The following COX7B2 variants were observed in gnomAD, a reference collection of about 807,000 sequenced individuals.
COX7B2 encodes cytochrome c oxidase subunit 7B2, also known as cytochrome c oxidase subunit 7B2, mitochondrial.
For synonymous variants in COX7B2, 37 were observed against 32.1 expected (o/e 1.15, Z -0.51); for missense variants, 109 against 95.9 (o/e 1.14, Z -0.57).
chr4:46,841,770 C>T (rs1249582383), intron 2 of COX7B2, among the ~76,000 whole-genome samples: 2 of 151,904 alleles, frequency 1.3e-5, no homozygotes, highest in African/African-American at 4.8e-5. Flanking sequence ...CTGTGATGAG[C>T]TACTTAGTAG....
At chr4:46,892,422 G>A (rs991657869) in intron 1 of COX7B2, among the ~76,000 whole-genome samples, 2 of 152,128 alleles carry the variant, frequency 1.3e-5, no homozygotes, top group East Asian at 3.9e-4. Flanking sequence ...CATTTTACAT[G>A]AGGTGTGTAC....
At chr4:46,860,833 CCT>C (rs1197727717) in intron 1 of COX7B2, among the ~76,000 whole-genome samples, 2 of 152,082 alleles carry the variant, frequency 1.3e-5, no homozygotes, top group Non-Finnish European at 2.9e-5. Flanking sequence ...TGAGAGGTCC[CCT>C]GTTGTGAGGG....
intron 1 of COX7B2, among the ~76,000 whole-genome samples, chr4:46,881,170 A>G (rs1718714560): frequency 6.6e-6 from 1 of 152,170 alleles, no homozygotes; most frequent in African/African-American, 2.4e-5. Context: ...TGCACCCATG[A>G]CAGAGCCTCA....
At position 46,902,960 on chromosome 4, in the gene COX7B2, T is replaced by C. The variant is rs752347250; in HGVS notation, c.-105+6200A>G. On this transcript the variant is annotated intron_variant, in intron 1 of 2. Transcript: ENST00000355591. Reference sequence around the variant, plus strand: ...CTGAAAACTGATTTCTAATTCTGTGTCTTATCAAAAATTATGATAAGTATA... The same window carrying C: ...CTGAAAACTGATTTCTAATTCTGTGCCTTATCAAAAATTATGATAAGTATA... Among the ~76,000 whole-genome samples the C allele has an allele frequency of 7.2e-5, 11 of 152,282 alleles. No homozygotes were observed. In the South Asian group the frequency reaches 1.9e-3, roughly 26 times the overall value.
At chr4:46,849,240 C>A (rs1716503011) in intron 1 of COX7B2, among the ~76,000 whole-genome samples, 1 of 152,014 alleles carries the variant, frequency 6.6e-6, no homozygotes, top group Non-Finnish European at 1.5e-5. Context: ...TTTGCTCCAT[C>A]ATCAAGGCTA....
chr4:46,863,748 T>A (rs1717479811), intron 1 of COX7B2, among the ~76,000 whole-genome samples: 1 of 152,216 alleles, frequency 6.6e-6, no homozygotes, highest in Admixed American at 6.5e-5. Flanking sequence ...TATTGACTGA[T>A]GCTGAAATAT....
intron 2 of COX7B2, among the ~76,000 whole-genome samples, chr4:46,827,244 A>G (rs1298319462): frequency 6.6e-6 from 1 of 152,106 alleles, no homozygotes; most frequent in East Asian, 1.9e-4. Context: ...AAAAAGCTAT[A>G]AATTTACAGG....
chr4:46,830,990 G>C (rs1434261508), intron 2 of COX7B2, among the ~76,000 whole-genome samples: 5 of 152,232 alleles, frequency 3.3e-5, no homozygotes, highest in African/African-American at 1.2e-4. Context: ...GCCCCTTCCT[G>C]GGATGGCTGA....
At chr4:46,799,707 G>T (rs1257682839) in intron 2 of COX7B2, among the ~76,000 whole-genome samples, 5 of 152,122 alleles carry the variant, frequency 3.3e-5, no homozygotes, top group East Asian at 1.9e-4. Flanking sequence ...AAGCCTACTT[G>T]ATTTTGGTTG....
In COX7B2 at chr4:46,803,732, CTTT is replaced by C. The variant is rs5858039; in HGVS notation, c.-50+41225_-50+41227del. The stretch of plus-strand genomic sequence containing the variant: ...GCTTAAATTAAGCCTGGTTTACTTT[CTTT>C]TTTTTTTTTTTTTTTTTAACATTCC... On this transcript the variant is annotated intron_variant, in intron 2 of 2. Coordinates refer to ENST00000355591, the MANE Select transcript of COX7B2 (RefSeq NM_130902.3). 4.0e-3 allele frequency among the ~76,000 whole-genome samples: 492 copies of C among 123,242 alleles called. 3 individuals are homozygous for C. Among genetic ancestry groups the C allele is most frequent in the African/African-American group, 0.014 (439 of 32,424 alleles). 80.9% of individuals were successfully genotyped at this position (123,242 alleles called of 152,430 possible). A position where few individuals can be genotyped will look rare whatever the true frequency, so the allele number is the denominator to read the frequency against.
chr4:46,863,944 C>G (rs1717490497), intron 1 of COX7B2, among the ~76,000 whole-genome samples: 1 of 152,170 alleles, frequency 6.6e-6, no homozygotes, highest in South Asian at 2.1e-4. Context: ...GTTTAATTGG[C>G]TATCGAAATC....
intron 2 of COX7B2, among the ~76,000 whole-genome samples, chr4:46,799,590 C>T (rs11934342): frequency 0.3 from 45,820 of 152,000 alleles, 7,453 homozygotes; most frequent in South Asian, 0.47. Context: ...TATCAAAAGC[C>T]TCTTCTGTGT....
chr4:46,751,930 A>T (rs1715408093), intron 2 of COX7B2, among the ~76,000 whole-genome samples: 1 of 152,122 alleles, frequency 6.6e-6, no homozygotes, highest in South Asian at 2.1e-4. Context: ...TGAACTTTAA[A>T]GTAGTTTTTT....
At chr4:46,804,828 T>G (rs549267480) in intron 2 of COX7B2, among the ~76,000 whole-genome samples, 3 of 152,224 alleles carry the variant, frequency 2.0e-5, no homozygotes, top group Admixed American at 2.0e-4. Context: ...GCCGTGTGCC[T>G]GCACTCCTCA....
At chr4:46,885,431 G>A (rs1459145446) in intron 1 of COX7B2, among the ~76,000 whole-genome samples, 1 of 152,032 alleles carries the variant, frequency 6.6e-6, no homozygotes, top group Non-Finnish European at 1.5e-5. Flanking sequence ...TAGTGCAGTT[G>A]GATAAGTAAA....
At chr4:46,744,811 C>T (rs1370144147) in intron 2 of COX7B2, among the ~76,000 whole-genome samples, 12 of 142,972 alleles carry the variant, frequency 8.4e-5, no homozygotes, top group Non-Finnish European at 6.0e-5. Flanking sequence ...GGCGTAATCT[C>T]GGCTCACTGC....
chr4:46,781,200 T>C (rs988431993), intron 2 of COX7B2, among the ~76,000 whole-genome samples: 3 of 152,150 alleles, frequency 2.0e-5, no homozygotes, highest in Non-Finnish European at 4.4e-5. Flanking sequence ...AGCAAAAATG[T>C]AGCTACTACA....
At chr4:46,885,839 C>T (rs1719052479) in intron 1 of COX7B2, among the ~76,000 whole-genome samples, 1 of 152,082 alleles carries the variant, frequency 6.6e-6, no homozygotes, top group South Asian at 2.1e-4. Context: ...GAGTAACAGT[C>T]TATCATTGCT....
intron 2 of COX7B2, among the ~76,000 whole-genome samples, chr4:46,778,194 T>G (rs578160902): frequency 6.6e-5 from 10 of 152,210 alleles, no homozygotes; most frequent in African/African-American, 2.2e-4. Flanking sequence ...ATAAGAACTT[T>G]GAAAATTTCA....
Sources: allele counts gnomAD v4.1 joint callset (sites outside exome capture counted in the v4.1 genomes callset), GRCh38; gene constraint gnomAD v4.1.1; transcripts MANE v1.5; gene names NCBI Gene and HGNC (gene_info 2026-07-23, HGNC 2026-07-21).